LDB2: variants seen among roughly 807,000 people sequenced by gnomAD.
The protein encoded by LDB2 is LIM domain-binding protein 2.
LDB2 carries 12 observed loss-of-function variants against 44.3 expected under a neutral mutation model. That is an observed-to-expected ratio of 0.27 (90% CI 0.17 to 0.44). The LOEUF (loss-of-function observed/expected upper bound fraction) is 0.44, where lower values mean the gene tolerates loss of function less well. Among genes scored for constraint, LDB2 ranks in the 20% least tolerant of loss-of-function variants. The pLI is 1.00. For synonymous variants in LDB2, 164 were observed against 174.8 expected (o/e 0.94, Z 0.49); for missense variants, 344 against 473.5 (o/e 0.73, Z 2.54).
chr4:16,792,075 T>A (rs1375488415), intron 1 of LDB2, among the ~76,000 whole-genome samples: 1 of 152,340 alleles, frequency 6.6e-6, no homozygotes, highest in Admixed American at 6.5e-5. Flanking sequence ...ATACTTCCAA[T>A]ACCCTAACAT....
At chr4:16,800,458 T>C (rs1300044337) in intron 1 of LDB2, among the ~76,000 whole-genome samples, 2 of 152,246 alleles carry the variant, frequency 1.3e-5, no homozygotes, top group Non-Finnish European at 1.5e-5. Flanking sequence ...TTTCATTAGT[T>C]ACTGGGTTAA....
intron 1 of LDB2, among the ~76,000 whole-genome samples, chr4:16,802,832 T>C (rs954416966): frequency 2.0e-5 from 3 of 152,116 alleles, no homozygotes; most frequent in African/African-American, 7.2e-5. Flanking sequence ...TCGTATTAGC[T>C]CCTGACGACC....
chr4:16,620,540 C>A (rs780769817), intron 2 of LDB2, among the ~76,000 whole-genome samples: 4 of 152,140 alleles, frequency 2.6e-5, no homozygotes, highest in Non-Finnish European at 5.9e-5. Flanking sequence ...TCTCTGTGGA[C>A]GAATTCCCAT....
At chr4:16,791,674 C>A (rs1284506775) in intron 1 of LDB2, among the ~76,000 whole-genome samples, 1 of 151,192 alleles carries the variant, frequency 6.6e-6, no homozygotes, top group East Asian at 1.9e-4. Context: ...CAGATCAGAA[C>A]CAATTTAATT....
intron 5 of LDB2, 157 bp from the exon 6 acceptor site, chr4:16,512,261 CA>C (rs1722029002): frequency 1.5e-6 from 1 of 680,638 alleles, no homozygotes; most frequent in Non-Finnish European, 2.3e-6. Context: ...ATAAATATTA[CA>C]AAAACTTGAT....
At chr4:16,828,304 G>C (rs1783428809) in intron 1 of LDB2, among the ~76,000 whole-genome samples, 1 of 152,136 alleles carries the variant, frequency 6.6e-6, no homozygotes, top group African/African-American at 2.4e-5. Flanking sequence ...CTTTACTCAA[G>C]TCAAGCGGAT....
intron 2 of LDB2, among the ~76,000 whole-genome samples, chr4:16,642,406 G>A (rs374441262): frequency 1.3e-4 from 20 of 152,118 alleles, no homozygotes; most frequent in African/African-American, 4.3e-4. Flanking sequence ...GAAAAAACAG[G>A]AAATACCCAT....
At chr4:16,671,760 C>G (rs569687223) in intron 2 of LDB2, among the ~76,000 whole-genome samples, 1 of 152,152 alleles carries the variant, frequency 6.6e-6, no homozygotes, top group Admixed American at 6.5e-5. Flanking sequence ...CAAAGCCAAA[C>G]AATGCCACCA....
chr4:16,731,857 C>T (rs560319243), intron 2 of LDB2, among the ~76,000 whole-genome samples: 1 of 152,200 alleles, frequency 6.6e-6, no homozygotes, highest in South Asian at 2.1e-4. Flanking sequence ...CTATGTGCTT[C>T]CCTTTTCAAG....
At chr4:16,586,071 T>A in intron 4 of LDB2, 66 bp from the exon 5 acceptor site, 1 of 1,187,490 alleles carries the variant, frequency 8.4e-7, no homozygotes, top group Non-Finnish European at 1.3e-6. Context: ...AATCTCAGAC[T>A]GTGCTACAGC....
At chr4:16,705,372 G>A (rs157485) in intron 2 of LDB2, among the ~76,000 whole-genome samples, 52,663 of 151,882 alleles carry the variant, frequency 0.35, 10,062 homozygotes, top group East Asian at 0.66. Context: ...ACATTTTTTG[G>A]CTAAGGGAAA....
intron 3 of LDB2, among the ~76,000 whole-genome samples, chr4:16,589,938 G>A (rs1011160549): frequency 3.3e-5 from 5 of 152,126 alleles, no homozygotes; most frequent in Non-Finnish European, 7.3e-5. Context: ...AAATATCCTT[G>A]GGTAAGAATG....
chr4:16,509,234 G>A (rs528312165), intron 6 of LDB2, among the ~76,000 whole-genome samples: 2 of 152,296 alleles, frequency 1.3e-5, no homozygotes, highest in Admixed American at 1.3e-4. Flanking sequence ...CTCAAGTAAA[G>A]TCAGTTCCAT....
intron 1 of LDB2, among the ~76,000 whole-genome samples, chr4:16,778,033 G>A (rs573345930): frequency 3.9e-5 from 6 of 152,134 alleles, no homozygotes; most frequent in South Asian, 2.1e-4. Context: ...AGAGCCCTGC[G>A]TTTCTACTTC....
At chr4:16,712,018 T>C (rs1452770550) in intron 2 of LDB2, among the ~76,000 whole-genome samples, 1 of 152,102 alleles carries the variant, frequency 6.6e-6, no homozygotes, top group Non-Finnish European at 1.5e-5. Context: ...ATTTCATAGA[T>C]ATGATCACAG....
At chr4:16,513,057 C>T (rs1414140766) in intron 5 of LDB2, among the ~76,000 whole-genome samples, 1 of 152,180 alleles carries the variant, frequency 6.6e-6, no homozygotes, top group Non-Finnish European at 1.5e-5. Flanking sequence ...TGTGAAAAAG[C>T]ATCACCTTTT....
chr4:16,886,444 A>T (rs551254605), intron 1 of LDB2, among the ~76,000 whole-genome samples: 14 of 152,208 alleles, frequency 9.2e-5, no homozygotes, highest in Non-Finnish European at 2.1e-4. Context: ...TATGCTTGTA[A>T]GCAAGTAAAG....
chr4:16,557,645 CA>C (rs1577683391), intron 5 of LDB2, among the ~76,000 whole-genome samples: 2 of 152,334 alleles, frequency 1.3e-5, no homozygotes, highest in East Asian at 3.9e-4. Flanking sequence ...AGGGCACAGA[CA>C]AACAAAAAGA....
At chr4:16,828,063 T>C (rs1783379682) in intron 1 of LDB2, among the ~76,000 whole-genome samples, 1 of 152,110 alleles carries the variant, frequency 6.6e-6, no homozygotes, top group East Asian at 1.9e-4. Flanking sequence ...AAAGCTGCAT[T>C]TCCTCCCTTT....
Sources: allele counts gnomAD v4.1 joint callset (sites outside exome capture counted in the v4.1 genomes callset), GRCh38; gene constraint gnomAD v4.1.1; transcripts MANE v1.5; gene names NCBI Gene and HGNC (gene_info 2026-07-23, HGNC 2026-07-21).